The following LRIG2 variants were observed in gnomAD, a reference collection of about 807,000 sequenced individuals.
LRIG2 encodes the protein leucine-rich repeats and immunoglobulin-like domains protein 2.
Under a neutral mutation model 107.8 loss-of-function variants are expected in LRIG2, and 93 were observed. The ratio of observed to expected loss-of-function variants is 0.86; its 90% confidence interval spans 0.73 to 1.03. LRIG2 has a LOEUF of 1.03. LRIG2 is among the 50% of genes least tolerant of loss of function. The pLI, the probability that LRIG2 is intolerant of heterozygous loss-of-function variation, is 0.00. For synonymous variants in LRIG2, 471 were observed against 470.6 expected (o/e 1.00, Z -0.01); for missense variants, 1,226 against 1,296.0 (o/e 0.95, Z 0.83).
intron 1 of LRIG2, among the ~76,000 whole-genome samples, chr1:113,082,538 G>C (rs1448842012): frequency 6.6e-6 from 1 of 152,216 alleles, no homozygotes; most frequent in Non-Finnish European, 1.5e-5. Context: ...GCTTTTACTC[G>C]TGGCCAAAGG....
chr1:113,115,630 C>T (rs553543455), intron 15 of LRIG2, among the ~76,000 whole-genome samples: 22 of 151,690 alleles, frequency 1.5e-4, no homozygotes, highest in African/African-American at 4.1e-4. Context: ...CGGGTTCAAG[C>T]GATTCTCCTG....
chr1:113,091,036 G>A (rs181575373), intron 1 of LRIG2, among the ~76,000 whole-genome samples: 1 of 151,716 alleles, frequency 6.6e-6, no homozygotes, highest in Non-Finnish European at 1.5e-5. Flanking sequence ...ATTTTTAGTA[G>A]AGATGGGGTT....
At chr1:113,118,427 G>A (rs1329302258) in intron 16 of LRIG2, among the ~76,000 whole-genome samples, 1 of 152,160 alleles carries the variant, frequency 6.6e-6, no homozygotes. Context: ...TTAACCTCTT[G>A]ACTCATTAAA....
At chr1:113,104,776 T>C (rs903284045) in intron 11 of LRIG2, among the ~76,000 whole-genome samples, 49 of 152,174 alleles carry the variant, frequency 3.2e-4, no homozygotes, top group Admixed American at 2.4e-3. Flanking sequence ...GCCCATATCC[T>C]AACTCTACCA....
rs527438908 is a variant in LRIG2 at position 113,127,990 on chromosome 1, C to T, written c.*3889C>T. ...ATTCTTTCTTTGTGCTTTCAGATTT[C>T]CTTACACTTCCTGTCCAGTTCTCTC... On this transcript the variant is annotated 3_prime_UTR_variant, in exon 18 of 18. Coordinates refer to ENST00000361127, the MANE Select transcript of LRIG2 (RefSeq NM_014813.3). 1 of 151,934 alleles carries T rather than the reference C, an allele frequency of 6.6e-6. No individual in the cohort carries two copies. The highest frequency in any genetic ancestry group is 2.4e-5 in the African/African-American group (1 of 41,230). The allele number at this position is 151,934 out of a possible 1,614,324, so 9.4% of individuals were successfully genotyped here.
intron 6 of LRIG2, among the ~76,000 whole-genome samples, chr1:113,095,536 G>A (rs1216121542): frequency 6.6e-6 from 1 of 151,228 alleles, no homozygotes; most frequent in Non-Finnish European, 1.5e-5. Context: ...AGCCTCCCGA[G>A]TAGCTGGGAC....
chr1:113,081,500 T>C (rs531891305), intron 1 of LRIG2, among the ~76,000 whole-genome samples: 5 of 152,214 alleles, frequency 3.3e-5, no homozygotes, highest in African/African-American at 9.6e-5. Flanking sequence ...AATTTTTGTA[T>C]TTTTAGTAGA....
chr1:113,114,014 A>G (rs1654888691), intron 14 of LRIG2, among the ~76,000 whole-genome samples: 1 of 152,166 alleles, frequency 6.6e-6, no homozygotes, highest in East Asian at 1.9e-4. Flanking sequence ...AAGTCTTTGT[A>G]AAAGATCATG....
chr1:113,120,242 G>C (rs1486231083), intron 17 of LRIG2, among the ~76,000 whole-genome samples: 7 of 151,408 alleles, frequency 4.6e-5, no homozygotes, highest in Admixed American at 4.6e-4. Context: ...TTGAGGTCAG[G>C]AGTTTGAGAC....
intron 11 of LRIG2, among the ~76,000 whole-genome samples, chr1:113,105,838 A>T (rs1052774394): frequency 6.6e-6 from 1 of 152,278 alleles, no homozygotes; most frequent in Non-Finnish European, 1.5e-5. Context: ...TTAAAGCATT[A>T]TAAAAGCATA....
chr1:113,084,035 T>C (rs1653419786), intron 1 of LRIG2, among the ~76,000 whole-genome samples: 1 of 141,776 alleles, frequency 7.1e-6, no homozygotes, highest in Non-Finnish European at 1.5e-5. Context: ...ATAATAATAA[T>C]AATAATATTG....
At chr1:113,110,199 A>G (rs1288805792) in intron 12 of LRIG2, 43 bp from the exon 13 acceptor site, 3 of 1,383,674 alleles carry the variant, frequency 2.2e-6, no homozygotes, top group South Asian at 1.4e-5. Context: ...TAAAGCAAAA[A>G]TAAATAACTG....
chr1:113,078,897 C>T (rs907410726), intron 1 of LRIG2, among the ~76,000 whole-genome samples: 1 of 152,138 alleles, frequency 6.6e-6, no homozygotes, highest in Non-Finnish European at 1.5e-5. Context: ...ACCTCGGCCT[C>T]CCAAAGTGTT....
At chr1:113,111,121 G>A (rs922090492) in intron 13 of LRIG2, among the ~76,000 whole-genome samples, 2 of 151,984 alleles carry the variant, frequency 1.3e-5, no homozygotes, top group African/African-American at 2.4e-5. Context: ...TGCAAATTCC[G>A]CCTCCCAGGT....
At chr1:113,116,552 A>G (rs1436555289) in intron 16 of LRIG2, 116 bp downstream of exon 16, 26 of 962,720 alleles carry the variant, frequency 2.7e-5, no homozygotes, top group Non-Finnish European at 3.8e-5. Context: ...ACCTAATGAA[A>G]GCATTTAGCC....
chr1:113,121,684 A>G (rs1655262960), intron 17 of LRIG2, among the ~76,000 whole-genome samples: 1 of 151,090 alleles, frequency 6.6e-6, no homozygotes, highest in South Asian at 2.1e-4. Context: ...CGGAGCTTGC[A>G]GTGAGCTGAG....
At position 113,124,152 on chromosome 1, in the gene LRIG2, T is replaced by C; in HGVS notation, c.*51T>C. 6.6e-7 allele frequency: 1 copy of C among 1,508,940 alleles called. No homozygotes were observed. Among genetic ancestry groups the C allele is most frequent in the Non-Finnish European group, 9.2e-7 (1 of 1,088,434 alleles). The allele number at this position is 1,508,940 out of a possible 1,614,324, so 93.5% of individuals were successfully genotyped here. A position where few individuals can be genotyped will look rare whatever the true frequency, so the allele number is the denominator to read the frequency against. ...CAGAGACTTATTAATTAATTTTGCA[T>C]TTACTACCTCAGAGCTCAGAAGAAA... On this transcript the variant is annotated 3_prime_UTR_variant, in exon 18 of 18. Coordinates refer to ENST00000361127, the MANE Select transcript of LRIG2 (RefSeq NM_014813.3).
Position 113,098,800 on chromosome 1 carries a change from AT to A in LRIG2, c.1172+18del. ...CTCACTAAACTGTATGTATTATAAT[AT>A]TTATGTATGTCTACATAGGCATGTT... On this transcript the variant is annotated intron_variant, in intron 9 of 17. Transcript: ENST00000361127. The A allele has an allele frequency of 6.7e-7, 1 of 1,492,752 alleles. No homozygotes were observed. The highest frequency in any genetic ancestry group is 9.3e-7 in the Non-Finnish European group (1 of 1,070,306). The allele number at this position is 1,492,752 out of a possible 1,614,324, so 92.5% of individuals were successfully genotyped here. A position where few individuals can be genotyped will look rare whatever the true frequency, so the allele number is the denominator to read the frequency against.
intron 6 of LRIG2, 112 bp downstream of exon 6, chr1:113,094,867 C>G (rs374812261): frequency 9.9e-7 from 1 of 1,008,190 alleles, no homozygotes; most frequent in Non-Finnish European, 1.4e-6. Context: ...CATTCATTCC[C>G]TGGTCACTGA....
Sources: allele counts gnomAD v4.1 joint callset (sites outside exome capture counted in the v4.1 genomes callset), GRCh38; gene constraint gnomAD v4.1.1; transcripts MANE v1.5; gene names NCBI Gene and HGNC (gene_info 2026-07-23, HGNC 2026-07-21).